Variants in NCALD observed in about 807,000 individuals in gnomAD.
NCALD encodes neurocalcin-delta.
In NCALD, 10 loss-of-function variants were observed where a neutral mutation model predicts 18.6. The observed-to-expected ratio is 0.54, with a 90% CI of 0.33 to 0.91. The LOEUF (loss-of-function observed/expected upper bound fraction) is 0.91. Among genes scored for constraint, NCALD ranks in the 40% least tolerant of loss-of-function variants. The pLI, the probability that NCALD is intolerant of heterozygous loss-of-function variation, is 0.03. For missense variants in NCALD, 184 were observed against 247.6 expected, an observed-to-expected ratio of 0.74 and a Z score of 1.72; for synonymous variants, 88 against 87.4, an observed-to-expected ratio of 1.01 and a Z score of -0.04.
intron 1 of NCALD, among the ~76,000 whole-genome samples, chr8:101,735,945 C>T (rs1280718379): frequency 6.6e-6 from 1 of 152,192 alleles, no homozygotes; most frequent in African/African-American, 2.4e-5. Context: ...AAAAGTTTGA[C>T]TCAATTTTTT....
chr8:102,067,705 A>C (rs1352942865), intron 1 of NCALD, among the ~76,000 whole-genome samples: 1 of 152,188 alleles, frequency 6.6e-6, no homozygotes, highest in Non-Finnish European at 1.5e-5. Context: ...TTGTAGCCCC[A>C]GAGTCCATTC....
chr8:102,101,072 A>G (rs1433261878), intron 1 of NCALD, among the ~76,000 whole-genome samples: 1 of 152,236 alleles, frequency 6.6e-6, no homozygotes, highest in East Asian at 1.9e-4. Context: ...TGCATATTTT[A>G]TACCACGACC....
intron 1 of NCALD, among the ~76,000 whole-genome samples, chr8:101,747,781 G>A (rs962821865): frequency 3.5e-4 from 53 of 150,354 alleles, no homozygotes; most frequent in Admixed American, 2.4e-3. Flanking sequence ...GCAATGGCAC[G>A]ATCTCAGCTC....
intron 1 of NCALD, among the ~76,000 whole-genome samples, chr8:102,084,716 C>A (rs1824677537): frequency 6.6e-6 from 1 of 152,214 alleles, no homozygotes; most frequent in Non-Finnish European, 1.5e-5. Context: ...CACCATTTGG[C>A]CTCTTAGTCC....
At chr8:102,025,858 C>T (rs1262181015) in intron 1 of NCALD, among the ~76,000 whole-genome samples, 1 of 152,110 alleles carries the variant, frequency 6.6e-6, no homozygotes, top group Non-Finnish European at 1.5e-5. Flanking sequence ...ATACTTGAGA[C>T]TAGGTAATTT....
At chr8:101,809,586 G>T (rs1813231629) in intron 4 of NCALD, among the ~76,000 whole-genome samples, 2 of 152,130 alleles carry the variant, frequency 1.3e-5, no homozygotes, top group African/African-American at 4.8e-5. Context: ...TCACTCTGTT[G>T]TGCAGGCTGG....
chr8:101,969,468 C>T (rs1174744623), intron 2 of NCALD, among the ~76,000 whole-genome samples: 2 of 152,196 alleles, frequency 1.3e-5, no homozygotes, highest in Non-Finnish European at 2.9e-5. Context: ...AGCCCTTCAA[C>T]ATTTATTTCA....
chr8:101,911,299 A>AGGAGAAG (rs1192465025), intron 3 of NCALD, among the ~76,000 whole-genome samples: 2 of 149,852 alleles, frequency 1.3e-5, no homozygotes, highest in Non-Finnish European at 3.0e-5. Flanking sequence ...AGGGGGGAGA[A>AGGAGAAG]GGAGAAGGGG....
intron 1 of NCALD, among the ~76,000 whole-genome samples, chr8:102,112,905 C>A (rs976397762): frequency 6.6e-6 from 1 of 152,218 alleles, no homozygotes; most frequent in African/African-American, 2.4e-5. Context: ...CACTTTCCAT[C>A]ATGAATGGAA....
intron 2 of NCALD, among the ~76,000 whole-genome samples, chr8:102,017,554 G>T (rs921218361): frequency 1.3e-5 from 2 of 152,142 alleles, no homozygotes; most frequent in African/African-American, 4.8e-5. Context: ...AATTAGCCGG[G>T]TGTGGTGGTG....
intron 4 of NCALD, among the ~76,000 whole-genome samples, chr8:101,825,248 T>C (rs1430258432): frequency 6.6e-6 from 1 of 152,244 alleles, no homozygotes; most frequent in Non-Finnish European, 1.5e-5. Context: ...GGGATACTCC[T>C]GCACCTCCAG....
At chr8:101,701,360 T>C (rs1042635949) in intron 2 of NCALD, among the ~76,000 whole-genome samples, 1 of 152,176 alleles carries the variant, frequency 6.6e-6, no homozygotes, top group African/African-American at 2.4e-5. Flanking sequence ...TTTTTAGCAA[T>C]GTCAATGAGA....
chr8:101,947,143 T>C (rs1222942823), intron 2 of NCALD, among the ~76,000 whole-genome samples: 1 of 152,156 alleles, frequency 6.6e-6, no homozygotes, highest in Non-Finnish European at 1.5e-5. Context: ...ATCAAAGCAA[T>C]GGCTACTGAG....
At chr8:101,842,917 G>C (rs1050110638) in intron 4 of NCALD, among the ~76,000 whole-genome samples, 1 of 152,132 alleles carries the variant, frequency 6.6e-6, no homozygotes, top group Non-Finnish European at 1.5e-5. Flanking sequence ...GAGGTGGTTG[G>C]GGGGAAGATG....
In NCALD at chr8:102,101,070, T is replaced by A. The variant is rs373415092; in HGVS notation, c.-210+23167A>T. ...TGGTAAAGTTTATGTTTTGCATATT[T>A]TATACCACGACCAGCAACAAAAACC... is the stretch of plus-strand genomic sequence containing the variant. On this transcript the variant is annotated intron_variant, in intron 1 of 6. Coordinates refer to the NCALD transcript ENST00000311028. 7.3e-4 allele frequency among the ~76,000 whole-genome samples: 111 copies of A among 152,354 alleles called. 4 individuals are homozygous for A. In the South Asian group the frequency reaches 0.013, roughly 18 times the overall value.
chr8:102,110,269 T>A (rs1467853644), intron 1 of NCALD, among the ~76,000 whole-genome samples: 1 of 152,034 alleles, frequency 6.6e-6, no homozygotes, highest in Admixed American at 6.6e-5. Flanking sequence ...CATCAAATGG[T>A]AAAGAACATG....
At chr8:101,943,767 C>T (rs540703772) in intron 2 of NCALD, among the ~76,000 whole-genome samples, 5 of 151,934 alleles carry the variant, frequency 3.3e-5, no homozygotes, top group Non-Finnish European at 5.9e-5. Context: ...GATGAAACCC[C>T]GTCTCTACTA....
intron 1 of NCALD, among the ~76,000 whole-genome samples, chr8:102,123,500 G>T (rs1159200024): frequency 8.6e-5 from 13 of 151,672 alleles, no homozygotes; most frequent in Admixed American, 8.5e-4. Flanking sequence ...TGCGGACAGG[G>T]AGACCTCCTG....
chr8:101,837,095 C>G (rs1814444662), intron 4 of NCALD, among the ~76,000 whole-genome samples: 1 of 152,198 alleles, frequency 6.6e-6, no homozygotes, highest in Admixed American at 6.5e-5. Context: ...TCTTCCTGCT[C>G]TCAGACCTAG....
Sources: gnomAD v4.1 joint callset for allele counts (sites outside exome capture counted in the v4.1 genomes callset) on GRCh38, gnomAD v4.1.1 for gene constraint, MANE v1.5 for transcripts, NCBI Gene and HGNC (gene_info 2026-07-23, HGNC 2026-07-21) for gene names.